The following ACBD6 variants were observed in gnomAD, a reference collection of about 807,000 sequenced individuals.
ACBD6 encodes acyl-CoA binding domain containing 6.
In ACBD6, 28 loss-of-function variants were observed where a neutral mutation model predicts 37.2. The ratio of observed to expected loss-of-function variants is 0.75; its 90% CI spans 0.56 to 1.03. The LOEUF (loss-of-function observed/expected upper bound fraction) is 1.03, where lower values mean the gene tolerates loss of function less well. Ranked by LOEUF, ACBD6 falls within the 50% of genes least tolerant of loss-of-function variation. The pLI, the probability that ACBD6 is intolerant of heterozygous loss-of-function variation, is 0.00. For synonymous variants in ACBD6, 113 were observed against 126.8 expected, an observed-to-expected ratio of 0.89 and a Z score of 0.73; for missense variants, 340 against 337.4, an observed-to-expected ratio of 1.01 and a Z score of -0.06.
intron 3 of ACBD6, among the ~76,000 whole-genome samples, chr1:180,437,944 G>C (rs1035575890): frequency 6.6e-6 from 1 of 152,190 alleles, no homozygotes; most frequent in Non-Finnish European, 1.5e-5. Context: ...CAGAATGTTA[G>C]AGTAGGGGTC....
intron 3 of ACBD6, among the ~76,000 whole-genome samples, chr1:180,433,558 C>T (rs1571504486): frequency 6.6e-6 from 1 of 151,092 alleles, no homozygotes; most frequent in African/African-American, 2.4e-5. Flanking sequence ...AAATAAAAGG[C>T]ATTTGTGGTG....
At chr1:180,428,555 T>C (rs977415538) in intron 4 of ACBD6, among the ~76,000 whole-genome samples, 1 of 152,230 alleles carries the variant, frequency 6.6e-6, no homozygotes, top group Non-Finnish European at 1.5e-5. Context: ...TTTAACTCTA[T>C]CTCAGGATTT....
intron 4 of ACBD6, among the ~76,000 whole-genome samples, chr1:180,416,797 T>C (rs1342312071): frequency 2.0e-5 from 3 of 152,200 alleles, no homozygotes; most frequent in Non-Finnish European, 4.4e-5. Context: ...AAATATGTTA[T>C]CTGTACCATT....
chr1:180,322,299 C>A lies in ACBD6; in HGVS notation c.664-7577G>T, dbSNP rs547819915. On this transcript the variant is annotated intron_variant, in intron 6 of 7. Coordinates refer to ENST00000367595, the MANE Select transcript of ACBD6 (RefSeq NM_032360.4). ...TGAGGATTTCTGAATCAATATTCATCAGAGATACTGGCCTGTAGTTTTCTT... is the reference window on the plus strand; with the variant it reads ...TGAGGATTTCTGAATCAATATTCATAAGAGATACTGGCCTGTAGTTTTCTT... 2.0e-5 allele frequency among the ~76,000 whole-genome samples: 3 copies of A among 152,146 alleles called. No individual in the cohort carries two copies. In the East Asian group the frequency reaches 5.8e-4, roughly 29 times the overall value.
intron 6 of ACBD6, among the ~76,000 whole-genome samples, chr1:180,394,239 AC>A (rs1237677242): frequency 2.0e-5 from 3 of 151,838 alleles, no homozygotes; most frequent in Non-Finnish European, 2.9e-5. Flanking sequence ...GACTACAGGC[AC>A]CCACCACTAC....
At chr1:180,377,456 C>G (rs897422917) in intron 6 of ACBD6, among the ~76,000 whole-genome samples, 1 of 152,090 alleles carries the variant, frequency 6.6e-6, no homozygotes, top group South Asian at 2.1e-4. Flanking sequence ...AACCAGTGAT[C>G]CTTGGAGAAA....
chr1:180,483,459 A>T (rs1156646712), intron 3 of ACBD6, among the ~76,000 whole-genome samples: 1 of 152,138 alleles, frequency 6.6e-6, no homozygotes, highest in Non-Finnish European at 1.5e-5. Context: ...TCTCTGTCCG[A>T]CTGTAAGCTT....
At chr1:180,392,404 A>G (rs1292313256) in intron 6 of ACBD6, among the ~76,000 whole-genome samples, 1 of 152,162 alleles carries the variant, frequency 6.6e-6, no homozygotes. Flanking sequence ...ATATTATACT[A>G]AATAGCTTTA....
intron 6 of ACBD6, among the ~76,000 whole-genome samples, chr1:180,338,192 T>C (rs1651823205): frequency 1.3e-5 from 2 of 152,156 alleles, no homozygotes; most frequent in Non-Finnish European, 1.5e-5. Flanking sequence ...TTAAAGTTCA[T>C]ATGGAACCAA....
intron 6 of ACBD6, among the ~76,000 whole-genome samples, chr1:180,382,655 C>A (rs1396096519): frequency 2.6e-5 from 4 of 152,056 alleles, no homozygotes; most frequent in Admixed American, 2.0e-4. Flanking sequence ...GTTCTCAAAC[C>A]ATTCTTTAAA....
At chr1:180,471,217 C>T (rs996489787) in intron 3 of ACBD6, among the ~76,000 whole-genome samples, 28 of 152,002 alleles carry the variant, frequency 1.8e-4, no homozygotes, top group African/African-American at 5.8e-4. Context: ...CTGGACAACA[C>T]GGCAAAACCA....
chr1:180,317,685 G>A (rs1442225328), intron 6 of ACBD6, among the ~76,000 whole-genome samples: 1 of 152,104 alleles, frequency 6.6e-6, no homozygotes, highest in Non-Finnish European at 1.5e-5. Flanking sequence ...TCTGGTTCTT[G>A]TCATTTCAAC....
intron 6 of ACBD6, among the ~76,000 whole-genome samples, chr1:180,337,197 C>T (rs985051708): frequency 2.6e-5 from 4 of 151,830 alleles, no homozygotes; most frequent in African/African-American, 4.8e-5. Context: ...AGAGACACAA[C>T]AAAAAAAGAG....
rs535266829 is a variant in ACBD6, at chr1:180,322,172, C to T, written c.664-7450G>A. The stretch of plus-strand genomic sequence containing the variant: ...ATATAATGTATCACACTGATTTATT[C>T]GCACATGTTGAGCCATCCTTGCATC... On this transcript the variant is annotated intron_variant, in intron 6 of 7. Transcript: ENST00000367595. Among the ~76,000 whole-genome samples the T allele has an allele frequency of 4.6e-5, 7 of 152,100 alleles. No individual in the cohort carries two copies. In the East Asian group the frequency reaches 5.8e-4, roughly 13 times the overall value.
At chr1:180,454,152 G>A (rs1649820931) in intron 3 of ACBD6, among the ~76,000 whole-genome samples, 1 of 152,176 alleles carries the variant, frequency 6.6e-6, no homozygotes, top group South Asian at 2.1e-4. Context: ...AATGAAAACA[G>A]CATGGTACTG....
At chr1:180,297,647 G>T (rs187181722) in intron 7 of ACBD6, among the ~76,000 whole-genome samples, 8 of 152,200 alleles carry the variant, frequency 5.3e-5, no homozygotes, top group African/African-American at 1.2e-4. Flanking sequence ...AGGAAGAGAC[G>T]GTATCATCTT....
chr1:180,494,972 G>GTACT (rs1388691653), intron 2 of ACBD6, among the ~76,000 whole-genome samples: 1 of 152,160 alleles, frequency 6.6e-6, no homozygotes, highest in Non-Finnish European at 1.5e-5. Context: ...CTTCCCAAGA[G>GTACT]TACTATAAGC....
At chr1:180,341,303 T>C (rs917406343) in intron 6 of ACBD6, among the ~76,000 whole-genome samples, 5 of 152,086 alleles carry the variant, frequency 3.3e-5, no homozygotes, top group African/African-American at 1.2e-4. Flanking sequence ...TAAGAAATTA[T>C]GTTAAAAAGA....
chr1:180,502,414 G>T lies in ACBD6; in HGVS notation c.-148C>A. 1 of 841,468 alleles carries T rather than the reference G, an allele frequency of 1.2e-6. No individual in the cohort carries two copies. Among genetic ancestry groups the T allele is most frequent in the Non-Finnish European group, 2.0e-6 (1 of 510,442 alleles). 52.1% of individuals were successfully genotyped at this position (841,468 alleles called of 1,614,324 possible). On this transcript the variant is annotated 5_prime_UTR_variant, in exon 1 of 8. Coordinates refer to ENST00000367595, the MANE Select transcript of ACBD6 (RefSeq NM_032360.4). Reference sequence around the variant, plus strand: ...TCAGTCGCGGCGCGCTCCCTCACGTGACCCTGCTCCCTGCCCACTTCTACT... The same window carrying T: ...TCAGTCGCGGCGCGCTCCCTCACGTTACCCTGCTCCCTGCCCACTTCTACT...
Sources: allele counts gnomAD v4.1 joint callset (sites outside exome capture counted in the v4.1 genomes callset), GRCh38; gene constraint gnomAD v4.1.1; transcripts MANE v1.5; gene names NCBI Gene and HGNC (gene_info 2026-07-23, HGNC 2026-07-21).